The following ATP8A2 variants were observed in gnomAD, a reference collection of about 807,000 sequenced individuals.
ATP8A2 encodes the protein ATPase phospholipid transporting 8A2.
In ATP8A2, 100 loss-of-function variants were observed where a neutral mutation model predicts 165.6. That is an observed-to-expected ratio of 0.60 (90% CI 0.51 to 0.71). The LOEUF (loss-of-function observed/expected upper bound fraction) is 0.71. Among genes scored for constraint, ATP8A2 ranks in the 30% least tolerant of loss-of-function variants. The pLI, the probability that ATP8A2 is intolerant of heterozygous loss-of-function variation, is 0.00. For missense variants in ATP8A2, 1,227 were observed against 1,479.5 expected, an observed-to-expected ratio of 0.83 and a Z score of 2.80; for synonymous variants, 543 against 548.8, an observed-to-expected ratio of 0.99 and a Z score of 0.15.
chr13:25,835,306 G>T (rs1019902467), intron 28 of ATP8A2, among the ~76,000 whole-genome samples: 4 of 152,028 alleles, frequency 2.6e-5, no homozygotes, highest in Non-Finnish European at 5.9e-5. Context: ...AGTCCCCTGT[G>T]GATTTCTCCT....
At chr13:25,675,932 T>C (rs56752075) in intron 24 of ATP8A2, among the ~76,000 whole-genome samples, 3,088 of 152,276 alleles carry the variant, frequency 0.02, 109 homozygotes, top group African/African-American at 0.071. Context: ...ATTTTTACAA[T>C]CATATATTAA....
At chr13:25,790,884 G>A (rs1157468673) in intron 27 of ATP8A2, among the ~76,000 whole-genome samples, 1 of 152,092 alleles carries the variant, frequency 6.6e-6, no homozygotes, top group East Asian at 1.9e-4. Flanking sequence ...AAAAATAACA[G>A]ATGTTGGCGA....
At chr13:25,578,996 C>A in intron 21 of ATP8A2, 97 bp downstream of exon 21, 2 of 823,536 alleles carry the variant, frequency 2.4e-6, no homozygotes, top group East Asian at 2.5e-5. Flanking sequence ...AGTGCCTGCC[C>A]CATCCCCTCC....
At chr13:25,490,289 A>C (rs1040554944) in intron 2 of ATP8A2, among the ~76,000 whole-genome samples, 20 of 152,148 alleles carry the variant, frequency 1.3e-4, no homozygotes, top group East Asian at 5.8e-4. Context: ...TGGGTGCTTC[A>C]CTCTTCACAG....
At chr13:25,873,979 A>T (rs1952752953) in intron 33 of ATP8A2, 1 of 152,528 alleles carries the variant, frequency 6.6e-6, no homozygotes, top group Non-Finnish European at 1.5e-5. Context: ...GTTTCATCCC[A>T]TCCAGTTAGT....
chr13:25,756,240 G>A (rs549650387), intron 25 of ATP8A2, among the ~76,000 whole-genome samples: 3 of 151,744 alleles, frequency 2.0e-5, no homozygotes, highest in African/African-American at 7.3e-5. Flanking sequence ...AGTTTTCATG[G>A]TTATCTTGTG....
intron 22 of ATP8A2, among the ~76,000 whole-genome samples, chr13:25,580,190 C>T (rs1183219812): frequency 6.6e-6 from 1 of 152,176 alleles, no homozygotes; most frequent in Non-Finnish European, 1.5e-5. Flanking sequence ...AGGTCAAAAA[C>T]AGCATCAGCG....
chr13:25,496,505 C>T (rs1043834609), intron 2 of ATP8A2, among the ~76,000 whole-genome samples: 1 of 152,056 alleles, frequency 6.6e-6, no homozygotes, highest in Non-Finnish European at 1.5e-5. Context: ...CTAAATGGAC[C>T]TCAATTTCCT....
chr13:25,671,764 C>T (rs9578899), intron 24 of ATP8A2, among the ~76,000 whole-genome samples: 4,279 of 152,244 alleles, frequency 0.028, 188 homozygotes, highest in African/African-American at 0.096. Flanking sequence ...AATTTTGCCT[C>T]GGTCCTGTGG....
chr13:25,595,471 G>A (rs2040212361), intron 24 of ATP8A2, among the ~76,000 whole-genome samples: 1 of 152,176 alleles, frequency 6.6e-6, no homozygotes, highest in Non-Finnish European at 1.5e-5. Flanking sequence ...GAAGTGAGGT[G>A]CGACCTTGTG....
At chr13:25,825,119 T>A (rs1951280185) in intron 27 of ATP8A2, among the ~76,000 whole-genome samples, 1 of 148,204 alleles carries the variant, frequency 6.7e-6, no homozygotes, top group Admixed American at 6.8e-5. Context: ...TTAAAGCTAC[T>A]CATAGTTTCA....
chr13:25,599,044 T>TTA (rs57307140), intron 24 of ATP8A2, among the ~76,000 whole-genome samples: 2 of 152,090 alleles, frequency 1.3e-5, no homozygotes, highest in Middle Eastern at 3.2e-3. Context: ...TTTTTTTTTT[T>TTA]ATCTTACAGC....
intron 27 of ATP8A2, among the ~76,000 whole-genome samples, chr13:25,788,452 TAGA>T (rs2045086426): frequency 6.6e-6 from 1 of 152,204 alleles, no homozygotes; most frequent in Non-Finnish European, 1.5e-5. Context: ...CCTCACTTTA[TAGA>T]AGAAGACACT....
At chr13:25,530,753 G>A (rs919254100) in intron 4 of ATP8A2, 93 bp downstream of exon 4, 152 of 785,928 alleles carry the variant, frequency 1.9e-4, no homozygotes, top group Middle Eastern at 7.2e-4. Flanking sequence ...CAGGAAATTG[G>A]GCTATAGCTT....
chr13:25,718,791 C>T (rs773793724), intron 25 of ATP8A2, among the ~76,000 whole-genome samples: 3 of 152,180 alleles, frequency 2.0e-5, no homozygotes, highest in Non-Finnish European at 4.4e-5. Context: ...TAAAGGCTTA[C>T]AAACACGTAC....
At chr13:25,413,957 C>T (rs915756046) in intron 1 of ATP8A2, among the ~76,000 whole-genome samples, 3 of 151,768 alleles carry the variant, frequency 2.0e-5, no homozygotes, top group Admixed American at 6.6e-5. Context: ...CTTTTCCTGC[C>T]TTCATGAGGG....
At chr13:25,465,783 C>T (rs7326402) in intron 1 of ATP8A2, among the ~76,000 whole-genome samples, 1,496 of 93,272 alleles carry the variant, frequency 0.016, 108 homozygotes, top group African/African-American at 0.064. Context: ...CTCTCTTTCT[C>T]TCTTTCTTTC....
intron 27 of ATP8A2, among the ~76,000 whole-genome samples, chr13:25,787,607 G>A (rs544719231): frequency 1.6e-4 from 24 of 152,278 alleles, no homozygotes; most frequent in African/African-American, 3.6e-4. Context: ...CTTATTCAGC[G>A]TTGCTGCATG....
chr13:25,645,961 G>A lies in ATP8A2; in HGVS notation c.2212-53212G>A, dbSNP rs569091379. Among the ~76,000 whole-genome samples, 23 of 152,246 alleles carry A rather than the reference G, an allele frequency of 1.5e-4. No homozygotes were observed. The South Asian group carries it at 4.4e-3, about 29-fold the overall frequency. ...GTTTAAAGTGTTGTTTAAGTCCAGT[G>A]TTCCCTTATTAATTTTCTGTCTTGA... is the stretch of plus-strand genomic sequence containing the variant. On this transcript the variant is annotated intron_variant, in intron 24 of 36. Transcript: ENST00000381655.
Sources: gnomAD v4.1 joint callset for allele counts (sites outside exome capture counted in the v4.1 genomes callset) on GRCh38, gnomAD v4.1.1 for gene constraint, MANE v1.5 for transcripts, NCBI Gene and HGNC (gene_info 2026-07-23, HGNC 2026-07-21) for gene names.